Variants in CROCC2 observed in about 807,000 individuals in gnomAD.
CROCC2 encodes the protein ciliary rootlet coiled-coil protein 2.
CROCC2 carries 163 observed loss-of-function variants against 177.6 expected under a neutral mutation model. The observed-to-expected ratio is 0.92, with a 90% CI of 0.81 to 1.05. The LOEUF (loss-of-function observed/expected upper bound fraction) is 1.05, where lower values mean the gene tolerates loss of function less well. Among genes scored for constraint, CROCC2 ranks in the 50% least tolerant of loss-of-function variants. The pLI, the probability that CROCC2 is intolerant of heterozygous loss-of-function variation, is 0.00. For synonymous variants in CROCC2, 904 were observed against 787.3 expected (o/e 1.15, Z -2.48); for missense variants, 1,929 against 1,797.8 (o/e 1.07, Z -1.32).
At chr2:240,957,711 A>C (rs2059601700) in intron 19 of CROCC2, 1 of 152,494 alleles carries the variant, frequency 6.6e-6, no homozygotes, top group Non-Finnish European at 1.5e-5. Context: ...AGGGCTGCCC[A>C]GAGGAGCTCC....
intron 5 of CROCC2, chr2:240,929,605 A>T (rs1180662853): frequency 2.2e-6 from 1 of 450,976 alleles, no homozygotes; most frequent in Non-Finnish European, 4.5e-6. Context: ...TGAACTGGGT[A>T]CCCAGTGCTA....
At position 240,958,296 on chromosome 2, in the gene CROCC2, G is replaced by C; in HGVS notation, c.2944-1005G>C. 4.6e-6 allele frequency: 3 copies of C among 653,572 alleles called. No homozygotes were observed. Among genetic ancestry groups the C allele is most frequent in the Non-Finnish European group, 5.7e-6 (3 of 526,506 alleles). 40.5% of individuals were successfully genotyped at this position (653,572 alleles called of 1,614,324 possible). A position where few individuals can be genotyped will look rare whatever the true frequency, so the allele number is the denominator to read the frequency against. On this transcript the variant is annotated intron_variant, in intron 19 of 31. Coordinates refer to ENST00000690015, the MANE Select transcript of CROCC2 (RefSeq NM_001351305.2). The surrounding 1 kb of genome is among the most constrained non-coding windows in gnomAD (Gnocchi z 6.7). ...CAGGCCTCAGGGGCACCCATCACTG[G>C]CAGTGTTGGGGCATGCTGAGGCACA...
At chr2:240,984,103 T>C (rs1464260608) in intron 28 of CROCC2, among the ~76,000 whole-genome samples, 1 of 152,134 alleles carries the variant, frequency 6.6e-6, no homozygotes, top group Non-Finnish European at 1.5e-5. Flanking sequence ...CATCACCCAG[T>C]CCTGTCATCC....
At position 240,933,339 on chromosome 2, in the gene CROCC2, G is replaced by T. The variant is rs2059446816; in HGVS notation, c.1460G>T (p.Gly487Val). ...QQCRASCKLL[G>V]REKAALEMVV... ...TGCCGGGCATCCTGCAAGCTCCTGG[G>T]GAGGTAATGGGGTGAAGGGGTTGCA... The change falls in exon 10 of 32, where the codon GGG becomes GTG. Residue 487 changes from glycine to valine, a missense_variant. Gly to Val is a moderately radical substitution (Grantham distance 109, BLOSUM62 -3). Coordinates refer to ENST00000690015, the MANE Select transcript of CROCC2 (RefSeq NM_001351305.2). The T allele has an allele frequency of 6.6e-7, 1 of 1,516,560 alleles. No homozygotes were observed. Among genetic ancestry groups the T allele is most frequent in the Admixed American group, 2.0e-5 (1 of 49,184 alleles). The allele number at this position is 1,516,560 out of a possible 1,614,324, so 93.9% of individuals were successfully genotyped here. A position where few individuals can be genotyped will look rare whatever the true frequency, so the allele number is the denominator to read the frequency against.
At chr2:240,955,623 C>G (rs894517425) in intron 18 of CROCC2, 10 of 501,424 alleles carry the variant, frequency 2.0e-5, no homozygotes, top group Non-Finnish European at 3.2e-5. Flanking sequence ...AGAGGTGGGA[C>G]GATGTCGGAC....
intron 20 of CROCC2, among the ~76,000 whole-genome samples, chr2:240,963,072 G>A (rs1217539360): frequency 6.6e-6 from 1 of 152,166 alleles, no homozygotes; most frequent in Admixed American, 6.5e-5. Flanking sequence ...CACTGGGCCA[G>A]GGTCACTGTG....
At chr2:240,948,384 T>TGGCCCAC (rs984804236) in intron 15 of CROCC2, among the ~76,000 whole-genome samples, 86 of 152,308 alleles carry the variant, frequency 5.6e-4, no homozygotes, top group African/African-American at 2.0e-3. Context: ...CTGTGGCCCA[T>TGGCCCAC]GGCCCACCCT....
intron 15 of CROCC2, 67 bp downstream of exon 15, chr2:240,946,320 G>T (rs1397355037): frequency 1.4e-6 from 2 of 1,418,724 alleles, no homozygotes; most frequent in African/African-American, 1.4e-5. Context: ...CTGCAGTGTG[G>T]CAGGGTATGG....
rs1559592163 is a variant in CROCC2, at chr2:240,925,019, CCCCACATTAACCCA to C, written c.489-704_489-691del. Among the ~76,000 whole-genome samples the C allele has an allele frequency of 3.7e-5, 5 of 136,054 alleles. 1 individual carries two copies. Among genetic ancestry groups the C allele is most frequent in the East Asian group, 6.9e-4 (2 of 2,912 alleles). 89.3% of individuals were successfully genotyped at this position (136,054 alleles called of 152,430 possible). On this transcript the variant is annotated intron_variant, in intron 4 of 31. Coordinates refer to ENST00000690015, the MANE Select transcript of CROCC2 (RefSeq NM_001351305.2). ...ACCCGGCCCCCCACACTGACCCAGC[CCCCACATTAACCCA>C]GCCCTGCACAGCAACCAAGGCCCAC...
chr2:240,981,300 C>T lies in CROCC2; in HGVS notation c.4402-1580C>T, dbSNP rs181965087. 1.4e-3 allele frequency among the ~76,000 whole-genome samples: 206 copies of T among 143,580 alleles called. 1 individual carries two copies. Among genetic ancestry groups the T allele is most frequent in the South Asian group, 2.8e-3 (12 of 4,282 alleles). 94.2% of individuals were successfully genotyped at this position (143,580 alleles called of 152,430 possible). On this transcript the variant is annotated intron_variant, in intron 27 of 31. Transcript: ENST00000690015. ...GCTCAGGCTCTGGGGTAGGAGCCTCCGGAGCCCAGGCTCATCCCTGAGCAC... is the reference window on the plus strand; with the variant it reads ...GCTCAGGCTCTGGGGTAGGAGCCTCTGGAGCCCAGGCTCATCCCTGAGCAC...
At position 240,949,069 on chromosome 2, in the gene CROCC2, C is replaced by A. The variant is rs560184143; in HGVS notation, c.2454C>A (p.Ser818Arg). The change falls in exon 16 of 32, where the codon AGC becomes AGA. Residue 818 changes from serine (S) to arginine (R), a missense_variant. Ser to Arg is a moderately radical substitution (Grantham distance 110). Coordinates refer to ENST00000690015, the MANE Select transcript of CROCC2 (RefSeq NM_001351305.2). This position sits in a 1 kb window ranked among gnomAD's most constrained non-coding sequence, Gnocchi z 4.5. ...AGCAGCTGGAGGAGGAAGCCCGGAG[C>A]GCAGGACTCGCGCGGCAGGCCTTGC... ...LQEQLEEEARSAGLARQALQV... is the reference protein window; with the variant it reads ...LQEQLEEEARRAGLARQALQV... The A allele has an allele frequency of 1.9e-6, 3 of 1,547,286 alleles. No individual in the cohort carries two copies. Among genetic ancestry groups the A allele is most frequent in the East Asian group, 2.4e-5 (1 of 40,892 alleles).
rs529530316 is a variant in CROCC2 at position 240,959,804 on chromosome 2, G to C, written c.3087+360G>C. ...AAAGTGGGCCTGGCTGAGTCAGGTG[G>C]ACTTGGCTGGGTCACGGTGCCAGCT... On this transcript the variant is annotated intron_variant, in intron 20 of 31. Transcript: ENST00000690015. 8.0e-4 allele frequency: 145 copies of C among 182,300 alleles called. 2 individuals are homozygous for C. Among genetic ancestry groups the C allele is most frequent in the Non-Finnish European group, 1.4e-3 (119 of 87,916 alleles). The allele number at this position is 182,300 out of a possible 1,614,324, so 11.3% of individuals were successfully genotyped here.
chr2:240,967,166 G>T (rs983057287), intron 25 of CROCC2, among the ~76,000 whole-genome samples, 179 bp from the exon 26 acceptor site: 5 of 152,032 alleles, frequency 3.3e-5, no homozygotes, highest in African/African-American at 1.2e-4. Flanking sequence ...CAGCTTCCCA[G>T]TGTGATCACC....
chr2:240,956,741 G>A (rs1230614528), intron 19 of CROCC2, among the ~76,000 whole-genome samples: 1 of 152,200 alleles, frequency 6.6e-6, no homozygotes, highest in Non-Finnish European at 1.5e-5. Context: ...TGAGGCCTGT[G>A]CCTCCAGCTC....
In CROCC2 at chr2:240,933,172, C is replaced by T. The variant is rs750106430; in HGVS notation, c.1293C>T (p.Ala431=). 1.7e-5 allele frequency: 26 copies of T among 1,549,964 alleles called. No individual in the cohort carries two copies. Among genetic ancestry groups the T allele is most frequent in the Non-Finnish European group, 2.3e-5 (26 of 1,146,828 alleles). ...TGAAGTCCTCCCAGGCACTGGTGGC[C>T]AGTCTCCAGGAGCAGCTGTCCGAAA... ...LQLKSSQALV[A]SLQEQLSESR... The change falls in exon 10 of 32, where the codon GCC becomes GCT. Residue 431 remains alanine, a synonymous_variant. Coordinates refer to ENST00000690015, the MANE Select transcript of CROCC2 (RefSeq NM_001351305.2).
rs192301366 is a variant in CROCC2 at position 240,993,146 on chromosome 2, G to A, written c.*65G>A. On this transcript the variant is annotated 3_prime_UTR_variant, in exon 32 of 32. Transcript: ENST00000690015. Reference sequence around the variant, plus strand: ...GGAAGGGAACGCACCGCAGGTGGGAGGGGCCCAGCTGATTTCTCAGCGTCA... The same window carrying A: ...GGAAGGGAACGCACCGCAGGTGGGAAGGGCCCAGCTGATTTCTCAGCGTCA... 5.6e-6 allele frequency: 4 copies of A among 709,692 alleles called. No individual in the cohort carries two copies. The highest frequency in any genetic ancestry group is 2.0e-5 in the Admixed American group (1 of 49,232). The allele number at this position is 709,692 out of a possible 1,614,324, so 44.0% of individuals were successfully genotyped here.
intron 29 of CROCC2, 117 bp from the exon 30 acceptor site, chr2:240,989,537 G>T: frequency 1.0e-6 from 1 of 986,272 alleles, no homozygotes; most frequent in Non-Finnish European, 1.5e-6. Context: ...GGTCAACACC[G>T]GCAGAGGGCA....
Position 240,918,137 on chromosome 2 carries a change from G to A in CROCC2, c.79-589G>A, listed in dbSNP as rs2059332092. Among the ~76,000 whole-genome samples the A allele has an allele frequency of 6.6e-6, 1 of 152,214 alleles. No homozygotes were observed. The highest frequency in any genetic ancestry group is 2.4e-5 in the African/African-American group (1 of 41,450). ...TCGGCTTTCATGAAGGACCCACCTGGGTCCCGATGGACCGAGCCTGTGGAG... is the reference window on the plus strand; with the variant it reads ...TCGGCTTTCATGAAGGACCCACCTGAGTCCCGATGGACCGAGCCTGTGGAG... On this transcript the variant is annotated intron_variant, in intron 1 of 31. Transcript: ENST00000690015. The surrounding 1 kb of genome is among the most constrained non-coding windows in gnomAD (Gnocchi z 6.3).
At position 240,932,916 on chromosome 2, in the gene CROCC2, G is replaced by A; in HGVS notation, c.1251+8G>A. 6.5e-7 allele frequency: 1 copy of A among 1,544,508 alleles called. No homozygotes were observed. Among genetic ancestry groups the A allele is most frequent in the African/African-American group, 1.4e-5 (1 of 73,112 alleles). Reference sequence around the variant, plus strand: ...CGGTGGCGGCGGGAACAGGTGGGCAGCCGCAGCCCACAGGACTCCCTGTCT... The same window carrying A: ...CGGTGGCGGCGGGAACAGGTGGGCAACCGCAGCCCACAGGACTCCCTGTCT... On this transcript the variant is annotated splice_region_variant and intron_variant, in intron 9 of 31. Transcript: ENST00000690015.
Sources: allele counts gnomAD v4.1 joint callset (sites outside exome capture counted in the v4.1 genomes callset), GRCh38; gene constraint gnomAD v4.1.1; non-coding constraint Gnocchi (gnomAD v3.1); transcripts MANE v1.5; gene names NCBI Gene and HGNC (gene_info 2026-07-23, HGNC 2026-07-21).